Variants in NBPF9 observed in about 807,000 individuals in gnomAD.
NBPF9 encodes the protein NBPF family member NBPF9.
In NBPF9, 91 loss-of-function variants were observed where a neutral mutation model predicts 97.8. The observed-to-expected ratio is 0.93, with a 90% CI of 0.79 to 1.11. The LOEUF (loss-of-function observed/expected upper bound fraction) is 1.11. Among genes scored for constraint, NBPF9 ranks in the 50% least tolerant of loss-of-function variants. The pLI, the probability that NBPF9 is intolerant of heterozygous loss-of-function variation, is 0.00. For synonymous variants in NBPF9, 334 were observed against 359.5 expected, an observed-to-expected ratio of 0.93 and a Z score of 0.80; for missense variants, 992 against 939.5, an observed-to-expected ratio of 1.06 and a Z score of -0.73.
chr1:149,077,515 G>C lies in NBPF9; in HGVS notation c.567-96C>G, dbSNP rs587615774. 13 of 1,557,302 alleles carry C rather than the reference G, an allele frequency of 8.3e-6. No homozygotes were observed. In the East Asian group the frequency reaches 2.2e-4, roughly 27 times the overall value. ...CTGGTTTTGACAGGCGGCATTAAGA[G>C]AGTGGTTCCAGAAAGCAAAACGGAG... On this transcript the variant is annotated intron_variant, in intron 10 of 29. Coordinates refer to ENST00000584027, the Ensembl canonical transcript of NBPF9.
chr1:149,059,742 C>A lies in NBPF9; in HGVS notation c.2543G>T (p.Gly848Val). The A allele has an allele frequency of 1.0e-5, 6 of 588,020 alleles. 2 individuals carry two copies. The highest frequency in any genetic ancestry group is 1.5e-5 in the Non-Finnish European group (5 of 337,846). 36.4% of individuals were successfully genotyped at this position (588,020 alleles called of 1,614,324 possible). ...TTGATTTTCTTCCCCTTCTTTTCTTCCCCTTCTTCTTTTCTTCTTTGATCT... is the reference window on the plus strand; with the variant it reads ...TTGATTTTCTTCCCCTTCTTTTCTTACCCTTCTTCTTTTCTTCTTTGATCT... Residue 848 changes from glycine to valine, a missense_variant, in exon 25 of 30, where the codon GGA becomes GTA. This residue lies in a region of NBPF9 where 397 missense variants were observed against 213.6 expected (regional missense o/e 1.86). Coordinates refer to ENST00000584027, the Ensembl canonical transcript of NBPF9.
intron 5 of NBPF9, among the ~76,000 whole-genome samples, chr1:149,087,507 G>C (rs1424341080): frequency 1.3e-4 from 19 of 149,092 alleles, no homozygotes; most frequent in African/African-American, 3.9e-4. Context: ...CATAGCTGTA[G>C]AGTAATTCTG....
At chr1:149,074,088 T>A (rs2079644705) in intron 12 of NBPF9, among the ~76,000 whole-genome samples, 1 of 151,200 alleles carries the variant, frequency 6.6e-6, no homozygotes, top group Admixed American at 6.6e-5. Context: ...CAAGGGCACA[T>A]CAAGGAAGTT....
chr1:149,085,159 A>G (rs2080886073), intron 5 of NBPF9, among the ~76,000 whole-genome samples: 1 of 152,100 alleles, frequency 6.6e-6, no homozygotes, highest in African/African-American at 2.4e-5. Flanking sequence ...GGCCAGGGAT[A>G]GATGGACAGA....
Position 149,071,558 on chromosome 1 carries a change from C to A in NBPF9, c.1379+46G>T, listed in dbSNP as rs587620983. Reference sequence around the variant, plus strand: ...GAGAGGGTGTGCCTCCTAGATATTCCTCATATGTTACCATCCATTAATTGT... The same window carrying A: ...GAGAGGGTGTGCCTCCTAGATATTCATCATATGTTACCATCCATTAATTGT... On this transcript the variant is annotated intron_variant, in intron 15 of 29. Coordinates refer to ENST00000584027, the Ensembl canonical transcript of NBPF9. 2.1e-4 allele frequency: 197 copies of A among 923,298 alleles called. 18 individuals carry two copies. The South Asian group carries it at 2.6e-3, about 12-fold the overall frequency. The allele number at this position is 923,298 out of a possible 1,614,324, so 57.2% of individuals were successfully genotyped here.
chr1:149,060,336 G>C (rs2078516925), intron 24 of NBPF9, 187 bp downstream of exon 24: 2 of 451,318 alleles, frequency 4.4e-6, no homozygotes, highest in South Asian at 2.5e-5. Context: ...AGAGAGTCTT[G>C]CCCACTGACC....
intron 8 of NBPF9, among the ~76,000 whole-genome samples, chr1:149,079,741 AATAG>A: frequency 6.6e-6 from 1 of 151,252 alleles, no homozygotes; most frequent in East Asian, 1.9e-4. Flanking sequence ...GTGGGGTGGC[AATAG>A]CACACCATTT....
At chr1:149,097,162 A>G (rs2081834678) in intron 4 of NBPF9, among the ~76,000 whole-genome samples, 1 of 151,650 alleles carries the variant, frequency 6.6e-6, no homozygotes, top group African/African-American at 2.4e-5. Context: ...AAAGAGTGGG[A>G]GAGAAGTAGG....
intron 10 of NBPF9, among the ~76,000 whole-genome samples, chr1:149,077,672 C>T (rs587654418): frequency 1.3e-5 from 2 of 152,106 alleles, no homozygotes; most frequent in East Asian, 3.8e-4. Context: ...GATGAAGACT[C>T]AGCTATCCCT....
intron 9 of NBPF9, among the ~76,000 whole-genome samples, chr1:149,078,780 C>A (rs2152905098): frequency 7.0e-6 from 1 of 142,066 alleles, no homozygotes; most frequent in South Asian, 2.3e-4. Flanking sequence ...CCTCTTGCTC[C>A]AAAGACCACC....
At chr1:149,072,291 G>C (rs1334201728) in intron 14 of NBPF9, among the ~76,000 whole-genome samples, 1 of 151,670 alleles carries the variant, frequency 6.6e-6, no homozygotes, top group Admixed American at 6.6e-5. Flanking sequence ...ACCCTTGCAA[G>C]AGACAATTTG....
intron 15 of NBPF9, 80 bp from the exon 16 acceptor site, chr1:149,071,219 A>G: frequency 8.7e-7 from 1 of 1,155,364 alleles, no homozygotes; most frequent in Non-Finnish European, 1.3e-6. Flanking sequence ...GCTGGTTTTG[A>G]CAGGCGGCAT....
intron 3 of NBPF9, among the ~76,000 whole-genome samples, chr1:149,100,937 A>G (rs1412837421): frequency 1.3e-5 from 2 of 152,132 alleles, no homozygotes; most frequent in African/African-American, 4.8e-5. Flanking sequence ...CTGTCTGAAA[A>G]AAAAAAAAAG....
intron 14 of NBPF9, among the ~76,000 whole-genome samples, chr1:149,072,355 G>C (rs1190447118): frequency 1.3e-5 from 2 of 152,182 alleles, no homozygotes; most frequent in African/African-American, 4.8e-5. Flanking sequence ...CTCTCTGACA[G>C]TAACTAAGAA....
chr1:149,062,773 C>G (rs1215971003), intron 21 of NBPF9, 89 bp downstream of exon 21: 12 of 772,754 alleles, frequency 1.6e-5, no homozygotes, highest in South Asian at 1.3e-4. Flanking sequence ...CCGTTGAAAA[C>G]ATGAAATTGA....
chr1:149,084,463 G>C (rs2080823289), intron 5 of NBPF9, among the ~76,000 whole-genome samples: 1 of 146,980 alleles, frequency 6.8e-6, no homozygotes, highest in Non-Finnish European at 1.5e-5. Context: ...TTAAGTGGCG[G>C]AGCGAGGGCT....
chr1:149,093,119 G>C (rs1474440954), intron 4 of NBPF9, among the ~76,000 whole-genome samples: 2 of 151,922 alleles, frequency 1.3e-5, no homozygotes, highest in African/African-American at 2.4e-5. Context: ...ATAGTGGAGA[G>C]AAGATCAGCA....
chr1:149,082,150 G>C, exon 7 of NBPF9: 1 of 1,612,060 alleles, frequency 6.2e-7, no homozygotes. Flanking sequence ...GCTGACGTTT[G>C]TGGCAGAAGA....
intron 4 of NBPF9, among the ~76,000 whole-genome samples, chr1:149,093,210 A>G (rs2081522395): frequency 6.6e-6 from 1 of 151,478 alleles, no homozygotes; most frequent in Non-Finnish European, 1.5e-5. Context: ...CATATACAGA[A>G]ACATCTCAAT....
Sources: allele counts gnomAD v4.1 joint callset (sites outside exome capture counted in the v4.1 genomes callset), GRCh38; gene constraint gnomAD v4.1.1; regional missense constraint gnomAD v4.1.1; transcripts MANE v1.5; gene names NCBI Gene and HGNC (gene_info 2026-07-23, HGNC 2026-07-21).